Variants in CDC25C observed in about 807,000 individuals in gnomAD.
The protein encoded by CDC25C is cell division cycle 25C, also known as M-phase inducer phosphatase 3.
CDC25C carries 48 observed loss-of-function variants against 52.5 expected under a neutral mutation model. The ratio of observed to expected loss-of-function variants is 0.91; its 90% CI spans 0.72 to 1.16. CDC25C has a LOEUF of 1.16. Ranked by LOEUF, CDC25C falls within the 50% of genes most tolerant of loss-of-function variation. The pLI, the probability that CDC25C is intolerant of heterozygous loss-of-function variation, is 0.00. For missense variants in CDC25C, 510 were observed against 566.1 expected, an observed-to-expected ratio of 0.90 and a Z score of 1.01; for synonymous variants, 187 against 206.5, an observed-to-expected ratio of 0.91 and a Z score of 0.81.
rs377193842 is a variant in CDC25C, at chr5:138,285,660, T to C, written c.*32A>G. 2.0e-4 allele frequency: 326 copies of C among 1,608,354 alleles called. No individual in the cohort carries two copies. The highest frequency in any genetic ancestry group is 2.7e-4 in the Non-Finnish European group (317 of 1,176,784). Reference sequence around the variant, plus strand: ...TCAGGGTTTCTGCAGTGTCTTTTGGTGACTTGTTAGCAGCCAGTGGCTGGA... The same window carrying C: ...TCAGGGTTTCTGCAGTGTCTTTTGGCGACTTGTTAGCAGCCAGTGGCTGGA... On this transcript the variant is annotated 3_prime_UTR_variant, in exon 14 of 14. Transcript: ENST00000323760.
At chr5:138,290,392 AAT>A (rs1367972294) in intron 9 of CDC25C, among the ~76,000 whole-genome samples, 3 of 152,202 alleles carry the variant, frequency 2.0e-5, no homozygotes, top group African/African-American at 4.8e-5. Context: ...ATAATTTTAA[AAT>A]ATGTTTTTAA....
chr5:138,332,180 A>G (rs929862022), upstream of CDC25C: 1 of 152,220 alleles, frequency 6.6e-6, no homozygotes. Context: ...ATGTCCATTC[A>G]CTAGGGTAAT....
At chr5:138,317,375 C>T (rs4835776) in intron 7 of CDC25C, among the ~76,000 whole-genome samples, 149,694 of 152,296 alleles carry the variant, frequency 0.98, 73,644 homozygotes, top group East Asian at 1. Flanking sequence ...AGCAACAAAG[C>T]TGATTTAGAA....
chr5:138,286,603 C>T lies in CDC25C; in HGVS notation c.1054G>A (p.Glu352Lys). The T allele has an allele frequency of 6.2e-7, 1 of 1,613,578 alleles. No homozygotes were observed. The highest frequency in any genetic ancestry group is 8.5e-7 in the Non-Finnish European group (1 of 1,179,624). Residue 352 changes from glutamate (E) to lysine (K), a missense_variant, in exon 12 of 14, where the codon GAA becomes AAA. Physicochemically the swap from Glu to Lys is moderately conservative, Grantham distance 56 (BLOSUM62 1). Coordinates refer to ENST00000323760, the MANE Select transcript of CDC25C (RefSeq NM_001790.5). ...QGALNLYSQE[E>K]LFNFFLKKPI... ...TTCTTCAGAAAGAAGTTAAACAGTTCTTCCTGACTATATAAGTTTAAGGCT... is the reference window on the plus strand; with the variant it reads ...TTCTTCAGAAAGAAGTTAAACAGTTTTTCCTGACTATATAAGTTTAAGGCT...
At chr5:138,306,639 C>T (rs1758021695) in intron 7 of CDC25C, among the ~76,000 whole-genome samples, 2 of 151,962 alleles carry the variant, frequency 1.3e-5, no homozygotes, top group Admixed American at 1.3e-4. Context: ...CCATGCCCAG[C>T]TAATTTGTGT....
chr5:138,303,384 T>G (rs1464903569), intron 7 of CDC25C, among the ~76,000 whole-genome samples: 1 of 152,068 alleles, frequency 6.6e-6, no homozygotes, highest in Non-Finnish European at 1.5e-5. Flanking sequence ...TGCTTCCATC[T>G]GACTCGGTTT....
At chr5:138,287,094 C>G in intron 11 of CDC25C, 75 bp downstream of exon 11, 1 of 981,146 alleles carries the variant, frequency 1.0e-6, no homozygotes. Flanking sequence ...TTCATAGACC[C>G]CTTTGTCCAC....
chr5:138,322,466 ATTTTTTTTTTTTTTT>A (rs71585117), intron 6 of CDC25C, among the ~76,000 whole-genome samples: 1 of 67,942 alleles, frequency 1.5e-5, no homozygotes. Flanking sequence ...CGCCCGGCTA[ATTTTTTTTTTTTTTT>A]TTTTTTTTTT....
chr5:138,335,630 A>G (rs1580839818), upstream of CDC25C: 1 of 152,212 alleles, frequency 6.6e-6, no homozygotes, highest in East Asian at 1.9e-4. Context: ...ATGAGTAAAA[A>G]ATCCTTGGGA....
chr5:138,297,272 A>C (rs912153539), intron 7 of CDC25C, among the ~76,000 whole-genome samples: 3 of 151,828 alleles, frequency 2.0e-5, no homozygotes, highest in Admixed American at 6.6e-5. Flanking sequence ...TGTTGGCCAC[A>C]CTGGTCTCGA....
intron 7 of CDC25C, among the ~76,000 whole-genome samples, chr5:138,318,099 C>T (rs984427738): frequency 7.2e-5 from 11 of 152,098 alleles, no homozygotes; most frequent in Admixed American, 5.2e-4. Flanking sequence ...GAGGCCAAGG[C>T]GGGCAGATCA....
At chr5:138,335,914 C>T (rs1760669823), upstream of CDC25C, among the ~76,000 whole-genome samples, 1 of 151,576 alleles carries the variant, frequency 6.6e-6, no homozygotes, top group African/African-American at 2.4e-5. Flanking sequence ...AAAAGGTGAA[C>T]AGCTTAGTGG....
chr5:138,325,985 AG>A (rs1172632947), intron 5 of CDC25C, 35 bp downstream of exon 5: 9 of 1,613,934 alleles, frequency 5.6e-6, no homozygotes, highest in Non-Finnish European at 7.6e-6. Flanking sequence ...CCACCTGAAA[AG>A]CAAAACAAAA....
At chr5:138,336,167 C>T (rs1275956790), upstream of CDC25C, among the ~76,000 whole-genome samples, 2 of 145,904 alleles carry the variant, frequency 1.4e-5, no homozygotes, top group African/African-American at 2.5e-5. Flanking sequence ...GAGTCTCATT[C>T]TGTTGCCCAG....
upstream of CDC25C, chr5:138,333,591 G>A (rs1265234597): frequency 6.6e-6 from 1 of 152,220 alleles, no homozygotes. Context: ...CTGCTTTGAC[G>A]ACTACAGTAT....
At chr5:138,324,361 G>A (rs17286080) in intron 6 of CDC25C, among the ~76,000 whole-genome samples, 21,735 of 152,026 alleles carry the variant, frequency 0.14, 1,850 homozygotes, top group South Asian at 0.23. Flanking sequence ...GAAATGAATC[G>A]GAGAAAGTAT....
intron 7 of CDC25C, among the ~76,000 whole-genome samples, chr5:138,299,446 A>C (rs908971828): frequency 3.3e-5 from 5 of 150,606 alleles, no homozygotes; most frequent in African/African-American, 1.2e-4. Context: ...CAGTGAGCCA[A>C]GATCACACCA....
At chr5:138,315,743 C>T (rs921806706) in intron 7 of CDC25C, among the ~76,000 whole-genome samples, 1 of 152,196 alleles carries the variant, frequency 6.6e-6, no homozygotes, top group Non-Finnish European at 1.5e-5. Flanking sequence ...AGTCATACCA[C>T]CAAGTAAATA....
At chr5:138,326,566 C>T (rs1759875613) in intron 4 of CDC25C, among the ~76,000 whole-genome samples, 1 of 152,114 alleles carries the variant, frequency 6.6e-6, no homozygotes, top group Admixed American at 6.5e-5. Flanking sequence ...CGGTCTTGAT[C>T]TCCTGACCTC....
Sources: allele counts gnomAD v4.1 joint callset (sites outside exome capture counted in the v4.1 genomes callset), GRCh38; gene constraint gnomAD v4.1.1; transcripts MANE v1.5; gene names NCBI Gene and HGNC (gene_info 2026-07-23, HGNC 2026-07-21).